RC3H2: variants seen among roughly 807,000 people sequenced by gnomAD.
RC3H2 encodes roquin-2.
A neutral mutation model predicts 133.3 loss-of-function variants in RC3H2; 31 were observed. That is an observed-to-expected ratio of 0.23 (90% CI 0.17 to 0.31). RC3H2 has a LOEUF of 0.31. RC3H2 is among the 10% of genes least tolerant of loss of function. The pLI is 1.00. For synonymous variants in RC3H2, 517 were observed against 502.2 expected (o/e 1.03, Z -0.40); for missense variants, 1,175 against 1,437.2 (o/e 0.82, Z 2.95).
intron 6 of RC3H2, 145 bp downstream of exon 6, chr9:122,880,447 TAA>T (rs1251907561): frequency 1.4e-6 from 1 of 738,062 alleles, no homozygotes; most frequent in Non-Finnish European, 2.2e-6. Context: ...AGTAGAAAAA[TAA>T]AAAGAAAATA....
intron 9 of RC3H2, among the ~76,000 whole-genome samples, chr9:122,868,863 G>A (rs1236139288): frequency 8.3e-5 from 5 of 60,546 alleles, no homozygotes; most frequent in South Asian, 9.8e-4. Context: ...GTGTGTGTGT[G>A]TGTGTGTGTG....
In RC3H2 at chr9:122,857,917, T is replaced by C. The variant is rs201755996; in HGVS notation, c.2454+6A>G. Reference sequence around the variant, plus strand: ...TGCAACATTAAGTAATTAAAACCTTTCTTACATCCGCACGAAAGTCTACAC... The same window carrying C: ...TGCAACATTAAGTAATTAAAACCTTCCTTACATCCGCACGAAAGTCTACAC... On this transcript the variant is annotated splice_donor_region_variant and intron_variant, in intron 13 of 20. Coordinates refer to ENST00000357244, the MANE Select transcript of RC3H2 (RefSeq NM_001100588.3). The C allele has an allele frequency of 8.6e-5, 139 of 1,611,434 alleles. No individual in the cohort carries two copies. In the African/African-American group the frequency reaches 1.3e-3, roughly 15 times the overall value.
At chr9:122,859,850 C>G in intron 11 of RC3H2, 67 bp downstream of exon 11, 1 of 1,260,372 alleles carries the variant, frequency 7.9e-7, no homozygotes. Flanking sequence ...CATTCTAGAA[C>G]TATTCATTCA....
intron 10 of RC3H2, 33 bp from the exon 11 acceptor site, chr9:122,860,164 A>C: frequency 6.6e-7 from 1 of 1,511,816 alleles, no homozygotes; most frequent in Non-Finnish European, 9.2e-7. Flanking sequence ...GGCAAAGGAG[A>C]AATCACTGTC....
At chr9:122,887,700 C>T (rs1831979226) in intron 4 of RC3H2, among the ~76,000 whole-genome samples, 1 of 151,112 alleles carries the variant, frequency 6.6e-6, no homozygotes, top group African/African-American at 2.4e-5. Context: ...AAATTTAAGA[C>T]TGCAGGAGTT....
At chr9:122,897,978 C>T (rs1054354094) in intron 1 of RC3H2, 1 of 155,850 alleles carries the variant, frequency 6.4e-6, no homozygotes, top group Non-Finnish European at 1.4e-5. Context: ...AACCAGTACC[C>T]CAAAACATAA....
rs773333608 is a variant in RC3H2 at position 122,890,586 on chromosome 9, A to G, written c.350-41T>C. On this transcript the variant is annotated intron_variant, in intron 3 of 20. Coordinates refer to ENST00000357244, the MANE Select transcript of RC3H2 (RefSeq NM_001100588.3). ...AACAAAGGGAGCTAAAGTTTTTTCA[A>G]TAAAAAATAAAAGTCAATTTTCATT... The G allele has an allele frequency of 2.0e-6, 3 of 1,486,406 alleles. No individual in the cohort carries two copies. The South Asian group carries it at 3.7e-5, about 18-fold the overall frequency. The allele number at this position is 1,486,406 out of a possible 1,614,324, so 92.1% of individuals were successfully genotyped here.
At chr9:122,884,989 A>G (rs1189068234) in intron 4 of RC3H2, among the ~76,000 whole-genome samples, 1 of 152,240 alleles carries the variant, frequency 6.6e-6, no homozygotes, top group Non-Finnish European at 1.5e-5. Context: ...ACTAAAACGT[A>G]TAGAAAGTGA....
intron 5 of RC3H2, among the ~76,000 whole-genome samples, chr9:122,882,983 C>T (rs1010821269): frequency 2.0e-5 from 3 of 152,104 alleles, no homozygotes; most frequent in Non-Finnish European, 2.9e-5. Flanking sequence ...ATGTTCTTTC[C>T]GTTACTGACA....
chr9:122,862,214 T>C (rs1409613667), intron 10 of RC3H2, among the ~76,000 whole-genome samples: 1 of 150,934 alleles, frequency 6.6e-6, no homozygotes, highest in African/African-American at 2.4e-5. Flanking sequence ...AAAAAGCTAA[T>C]CTTCAAGGCA....
At chr9:122,894,474 A>G (rs1441807619) in intron 2 of RC3H2, among the ~76,000 whole-genome samples, 1 of 152,150 alleles carries the variant, frequency 6.6e-6, no homozygotes, top group African/African-American at 2.4e-5. Flanking sequence ...AAGAGGTGAA[A>G]TTATAGAGCA....
chr9:122,883,421 A>T (rs1428888325), intron 4 of RC3H2, 42 bp from the exon 5 acceptor site: 8 of 1,506,400 alleles, frequency 5.3e-6, no homozygotes, highest in Non-Finnish European at 7.2e-6. Context: ...CAAATGAGGA[A>T]CCCATCAGAT....
rs1832243214 is a variant in RC3H2 at position 122,892,817 on chromosome 9, C to T, written c.349+92G>A. ...GGCATTTCTCAAGCAAACTCCTTTT[C>T]CATAACTTAATAGGGTATCCACATC... is the stretch of plus-strand genomic sequence containing the variant. On this transcript the variant is annotated intron_variant, in intron 3 of 20. Transcript: ENST00000357244. 4 of 939,052 alleles carry T rather than the reference C, an allele frequency of 4.3e-6. No homozygotes were observed. In the Admixed American group the frequency reaches 6.4e-5, roughly 15 times the overall value. The allele number at this position is 939,052 out of a possible 1,614,324, so 58.2% of individuals were successfully genotyped here.
intron 9 of RC3H2, among the ~76,000 whole-genome samples, chr9:122,875,804 T>C (rs1588086666): frequency 6.6e-6 from 1 of 152,136 alleles, no homozygotes; most frequent in Non-Finnish European, 1.5e-5. Context: ...GTGGCTTGAG[T>C]ACAATTAGTG....
At chr9:122,900,541 T>C (rs1192545512) in intron 1 of RC3H2, among the ~76,000 whole-genome samples, 2 of 152,126 alleles carry the variant, frequency 1.3e-5, no homozygotes, top group Admixed American at 6.5e-5. Context: ...ATGGTAAATA[T>C]CCTATAGTTT....
At chr9:122,898,894 G>A (rs1588116670) in intron 1 of RC3H2, among the ~76,000 whole-genome samples, 1 of 151,914 alleles carries the variant, frequency 6.6e-6, no homozygotes, top group Non-Finnish European at 1.5e-5. Flanking sequence ...GCTCTCTGGT[G>A]AACAAGAAAT....
At chr9:122,864,174 C>G (rs545266284) in intron 10 of RC3H2, among the ~76,000 whole-genome samples, 9 of 152,158 alleles carry the variant, frequency 5.9e-5, no homozygotes, top group Admixed American at 3.9e-4. Context: ...ATAACAGATA[C>G]TGATAGACTA....
At chr9:122,895,730 T>C (rs541650909) in intron 2 of RC3H2, among the ~76,000 whole-genome samples, 1 of 152,334 alleles carries the variant, frequency 6.6e-6, no homozygotes, top group East Asian at 1.9e-4. Context: ...GGATTTTCTA[T>C]TAAATCAGAA....
At chr9:122,869,249 G>C (rs1202596655) in intron 9 of RC3H2, among the ~76,000 whole-genome samples, 1 of 152,086 alleles carries the variant, frequency 6.6e-6, no homozygotes, top group African/African-American at 2.4e-5. Context: ...TTCACGAACA[G>C]AAAGAAGACT....
Sources: allele counts gnomAD v4.1 joint callset (sites outside exome capture counted in the v4.1 genomes callset), GRCh38; gene constraint gnomAD v4.1.1; transcripts MANE v1.5; gene names NCBI Gene and HGNC (gene_info 2026-07-23, HGNC 2026-07-21).